The following PTP4A3 variants were observed in gnomAD, a reference collection of about 807,000 sequenced individuals.
The protein encoded by PTP4A3 is protein tyrosine phosphatase 4A3, also known as protein tyrosine phosphatase type IVA 3.
Under a neutral mutation model 15.2 loss-of-function variants are expected in PTP4A3, and 9 were observed. The ratio of observed to expected loss-of-function variants is 0.59; its 90% CI spans 0.36 to 1.03. The LOEUF is 1.03. Ranked by LOEUF, PTP4A3 falls within the 50% of genes least tolerant of loss-of-function variation. The pLI is 0.02. For synonymous variants in PTP4A3, 95 were observed against 102.0 expected (o/e 0.93, Z 0.41); for missense variants, 234 against 252.1 (o/e 0.93, Z 0.49).
chr8:141,407,133 C>T (rs1033110132), intron 1 of PTP4A3, among the ~76,000 whole-genome samples: 17 of 152,194 alleles, frequency 1.1e-4, no homozygotes, highest in African/African-American at 1.9e-4. Context: ...TGGCACAGCC[C>T]GGACAGAACC....
In PTP4A3 at chr8:141,424,615, G is replaced by T. The variant is rs138639272; in HGVS notation, c.106-433G>T. Reference sequence around the variant, plus strand: ...GAAATGTCCTTGCTGGTAGATCTGGGGTCCTGAGCACCCCAGAGGAGGGAG... The same window carrying T: ...GAAATGTCCTTGCTGGTAGATCTGGTGTCCTGAGCACCCCAGAGGAGGGAG... On this transcript the variant is annotated intron_variant, in intron 2 of 5. Coordinates refer to ENST00000521578, the MANE Select transcript of PTP4A3 (RefSeq NM_032611.3). 9.4e-4 allele frequency among the ~76,000 whole-genome samples: 143 copies of T among 152,230 alleles called. 1 individual carries two copies. In the East Asian group the frequency reaches 0.024, roughly 26 times the overall value.
In PTP4A3 at chr8:141,406,245, C is replaced by A. The variant is rs1432055143; in HGVS notation, c.-854+14161C>A. 2.0e-5 allele frequency among the ~76,000 whole-genome samples: 3 copies of A among 152,124 alleles called. No homozygotes were observed. Among genetic ancestry groups the A allele is most frequent in the Admixed American group, 6.5e-5 (1 of 15,286 alleles). ...CACCATTTCACTTGTCGGCCACCCA[C>A]GGCTGCTTCCTGCCCCATCTGGGGA... On this transcript the variant is annotated intron_variant, in intron 1 of 5. Transcript: ENST00000521578. This position sits in a 1 kb window ranked among gnomAD's most constrained non-coding sequence, Gnocchi z 4.5.
intron 1 of PTP4A3, among the ~76,000 whole-genome samples, chr8:141,416,265 G>A (rs559167481): frequency 4.6e-5 from 7 of 152,076 alleles, no homozygotes; most frequent in Non-Finnish European, 1.0e-4. Context: ...CTCCCAGAGG[G>A]CTAGGGTGGG....
At chr8:141,423,459 C>T (rs891050431) in intron 2 of PTP4A3, among the ~76,000 whole-genome samples, 10 of 152,026 alleles carry the variant, frequency 6.6e-5, no homozygotes, top group African/African-American at 2.4e-4. Flanking sequence ...TGACCAGGAT[C>T]AGGGCTCTGT....
At position 141,406,003 on chromosome 8, in the gene PTP4A3, G is replaced by A. The variant is rs562580523; in HGVS notation, c.-854+13919G>A. On this transcript the variant is annotated intron_variant, in intron 1 of 5. Coordinates refer to ENST00000521578, the MANE Select transcript of PTP4A3 (RefSeq NM_032611.3). This position sits in a 1 kb window ranked among gnomAD's most constrained non-coding sequence, Gnocchi z 4.5. ...GAGGTCAGAGGGCAGGGAGCAGCTC[G>A]CGTGGGGCCTTTAGGGCGATAAGGA... Among the ~76,000 whole-genome samples, 96 of 152,260 alleles carry A rather than the reference G, an allele frequency of 6.3e-4. No individual in the cohort carries two copies. Among genetic ancestry groups the A allele is most frequent in the Non-Finnish European group, 1.2e-3 (83 of 68,004 alleles).
At chr8:141,428,315 C>T (rs960137730) in intron 5 of PTP4A3, among the ~76,000 whole-genome samples, 18 of 144,370 alleles carry the variant, frequency 1.2e-4, no homozygotes, top group Admixed American at 6.2e-4. Flanking sequence ...TCCTTAGAGG[C>T]TTCTAGGCCA....
At chr8:141,421,089 C>T (rs982855911) in intron 1 of PTP4A3, among the ~76,000 whole-genome samples, 7 of 152,162 alleles carry the variant, frequency 4.6e-5, no homozygotes, top group East Asian at 3.9e-4. Context: ...ATCATGTCCT[C>T]GGGGGTGTGT....
intron 1 of PTP4A3, among the ~76,000 whole-genome samples, chr8:141,394,459 C>G (rs1832386805): frequency 6.6e-6 from 1 of 152,208 alleles, no homozygotes; most frequent in African/African-American, 2.4e-5. Context: ...CCTGGCCGCC[C>G]TTGCTGTCAC....
At chr8:141,408,653 G>C (rs995623119) in intron 1 of PTP4A3, among the ~76,000 whole-genome samples, 1 of 151,780 alleles carries the variant, frequency 6.6e-6, no homozygotes, top group Non-Finnish European at 1.5e-5. Flanking sequence ...TGGATTTCAT[G>C]TGTTATGAAT....
At chr8:141,419,516 G>A (rs565861966) in intron 1 of PTP4A3, among the ~76,000 whole-genome samples, 3 of 151,836 alleles carry the variant, frequency 2.0e-5, no homozygotes, top group Admixed American at 1.3e-4. Context: ...CGGGACCAGG[G>A]ACAGTATCCT....
In PTP4A3 at chr8:141,425,175, T is replaced by C. The variant is rs1833510546; in HGVS notation, c.198+35T>C. ...GCGCCACGGGGACCCTAGTCACTGC[T>C]GCCACCGGGGGAGGGTGGGGCGGGG... On this transcript the variant is annotated intron_variant, in intron 3 of 5. Coordinates refer to ENST00000521578, the MANE Select transcript of PTP4A3 (RefSeq NM_032611.3). This position sits in a 1 kb window ranked among gnomAD's most constrained non-coding sequence, Gnocchi z 4.2. 1 of 503,800 alleles carries C rather than the reference T, an allele frequency of 2.0e-6. No homozygotes were observed. The highest frequency in any genetic ancestry group is 1.5e-5 in the South Asian group (1 of 68,766). 31.2% of individuals were successfully genotyped at this position (503,800 alleles called of 1,614,324 possible).
At chr8:141,429,877 G>A (rs1389105748) in intron 5 of PTP4A3, among the ~76,000 whole-genome samples, 1 of 15,996 alleles carries the variant, frequency 6.3e-5, no homozygotes, top group Non-Finnish European at 1.4e-4. Context: ...CCGGGTCCCC[G>A]CTGTAAGGAC....
rs1179193506 is a variant in PTP4A3, at chr8:141,427,812, A to G, written c.392A>G (p.Gln131Arg). Residue 131 changes from glutamine (Q) to arginine (R), a missense_variant, in exon 5 of 6, where the codon CAG (glutamine) becomes CGG (arginine). Gln to Arg is a conservative substitution (Grantham distance 43). Transcript: ENST00000521578. ...GGGATGAAGTACGAGGACGCCATCC[A>G]GTTCATCCGCCAGTGAGTGGCCGCG... ...ESGMKYEDAIQFIRQKRRGAI... is the reference protein window; with the variant it reads ...ESGMKYEDAIRFIRQKRRGAI... The G allele has an allele frequency of 2.6e-6, 4 of 1,550,582 alleles. No homozygotes were observed. Among genetic ancestry groups the G allele is most frequent in the Non-Finnish European group, 3.5e-6 (4 of 1,146,918 alleles).
At chr8:141,424,789 C>T (rs1462823444) in intron 2 of PTP4A3, among the ~76,000 whole-genome samples, 5 of 152,122 alleles carry the variant, frequency 3.3e-5, no homozygotes, top group Non-Finnish European at 5.9e-5. Flanking sequence ...CTGAAGTCCA[C>T]TCTTGGTGGA....
intron 1 of PTP4A3, among the ~76,000 whole-genome samples, chr8:141,417,981 C>T (rs1408606984): frequency 1.3e-5 from 2 of 151,912 alleles, no homozygotes; most frequent in Non-Finnish European, 2.9e-5. Context: ...CACCGCCAGG[C>T]CGGCGCGTAT....
rs1215500741 is a variant in PTP4A3, at chr8:141,432,279, C to T, written c.*1235C>T. On this transcript the variant is annotated 3_prime_UTR_variant, in exon 6 of 6. Transcript: ENST00000521578. ...ACAAGATGGGGAGATGTGGAAACCC[C>T]AAAAGCCCCTTCTCAGGCAGCCCTG... 1 of 152,158 alleles carries T rather than the reference C, an allele frequency of 6.6e-6. No homozygotes were observed. Among genetic ancestry groups the T allele is most frequent in the Non-Finnish European group, 1.5e-5 (1 of 68,064 alleles). The allele number at this position is 152,158 out of a possible 1,614,324, so 9.4% of individuals were successfully genotyped here.
At chr8:141,393,569 C>A (rs374229213) in intron 1 of PTP4A3, among the ~76,000 whole-genome samples, 9 of 152,184 alleles carry the variant, frequency 5.9e-5, no homozygotes, top group African/African-American at 2.2e-4. Flanking sequence ...GCGGACAGGC[C>A]CCCGCAGGCA....
chr8:141,411,356 A>G (rs62522498), intron 1 of PTP4A3, among the ~76,000 whole-genome samples: 6,384 of 152,306 alleles, frequency 0.042, 158 homozygotes, highest in Non-Finnish European at 0.046. Context: ...AAAGGCCATC[A>G]GCACTGGTCC....
chr8:141,395,740 C>T (rs947522163), intron 1 of PTP4A3, among the ~76,000 whole-genome samples: 2 of 151,950 alleles, frequency 1.3e-5, no homozygotes, highest in Non-Finnish European at 2.9e-5. Flanking sequence ...CGTGGGCCAC[C>T]CCTCCCTCCT....
Sources: allele counts gnomAD v4.1 joint callset (sites outside exome capture counted in the v4.1 genomes callset), GRCh38; gene constraint gnomAD v4.1.1; non-coding constraint Gnocchi (gnomAD v3.1); transcripts MANE v1.5; gene names NCBI Gene and HGNC (gene_info 2026-07-23, HGNC 2026-07-21).